The following LRRIQ1 variants were observed in gnomAD, a reference collection of about 807,000 sequenced individuals.
LRRIQ1 encodes the protein leucine rich repeats and IQ motif containing 1.
A neutral mutation model predicts 211.9 loss-of-function variants in LRRIQ1; 210 were observed. That is an observed-to-expected ratio of 0.99 (90% CI 0.89 to 1.11). The LOEUF (loss-of-function observed/expected upper bound fraction) is 1.11, where lower values mean the gene tolerates loss of function less well. LRRIQ1 is among the 50% of genes most tolerant of loss of function. The probability of loss-of-function intolerance (pLI) is 0.00; values close to 1 mark genes in which losing one functional copy is unlikely to be tolerated. For missense variants in LRRIQ1, 2,136 were observed against 1,939.5 expected (o/e 1.10, Z -1.90); for synonymous variants, 699 against 650.1 (o/e 1.08, Z -1.14).
At chr12:85,243,445 G>A (rs893378283) in intron 26 of LRRIQ1, among the ~76,000 whole-genome samples, 5 of 149,390 alleles carry the variant, frequency 3.3e-5, no homozygotes, top group African/African-American at 1.2e-4. Context: ...TTTCTACCGA[G>A]GTTTTTTGAC....
At position 85,244,914 on chromosome 12, in the gene LRRIQ1, GT is replaced by G. The variant is rs768933133; in HGVS notation, c.5144del (p.Leu1715CysfsTer7). The G allele has an allele frequency of 6.2e-7, 1 of 1,610,526 alleles. No homozygotes were observed. Among genetic ancestry groups the G allele is most frequent in the East Asian group, 2.2e-5 (1 of 44,764 alleles). On this transcript the variant is annotated frameshift_variant, in exon 27 of 27. Transcript: ENST00000393217. LOFTEE classifies it high-confidence loss of function. ...HRHSAGSSSK[L>X]WFPSKLI ...GACACTCAGCAGGATCTTCAAGTAA[GT>G]TGTGGTTTCCTTCAAAATTAATTTA...
intron 26 of LRRIQ1, among the ~76,000 whole-genome samples, chr12:85,236,006 G>A (rs1895156279): frequency 6.6e-6 from 1 of 152,118 alleles, no homozygotes; most frequent in Non-Finnish European, 1.5e-5. Context: ...AGCAAGGTCA[G>A]GAATAGATCT....
rs768023844 is a variant in LRRIQ1 at position 85,124,249 on chromosome 12, A to G, written c.3737A>G (p.Asn1246Ser). ...APTNSDSTLQNGVFYSCAREG... is the reference protein window; with the variant it reads ...APTNSDSTLQSGVFYSCAREG... ...ACAAACAGTGACAGCACTCTGCAAA[A>G]TGGAGTCTTCTACTCTTGTGCACGT... The change falls in exon 17 of 27, where the codon AAT becomes AGT. Residue 1246 changes from asparagine (N) to serine (S), a missense_variant. Physicochemically the swap from Asn to Ser is conservative, Grantham distance 46. Transcript: ENST00000393217. 6 of 1,614,024 alleles carry G rather than the reference A, an allele frequency of 3.7e-6. No individual in the cohort carries two copies. The Admixed American group carries it at 8.3e-5, about 22-fold the overall frequency.
chr12:85,195,939 C>A (rs900924514), intron 24 of LRRIQ1, among the ~76,000 whole-genome samples: 7 of 151,624 alleles, frequency 4.6e-5, no homozygotes, highest in Non-Finnish European at 1.0e-4. Flanking sequence ...ATCGTCTCAG[C>A]CCAAAATCTC....
At chr12:85,181,657 CTCAGAATTGCAACTTTT>C (rs1382715650) in intron 24 of LRRIQ1, among the ~76,000 whole-genome samples, 1 of 151,906 alleles carries the variant, frequency 6.6e-6, no homozygotes, top group Non-Finnish European at 1.5e-5. Context: ...GTGTCAGTTT[CTCAGAATTGCAACTTTT>C]GAATGACACA....
At chr12:85,205,411 A>G (rs1208217502) in intron 24 of LRRIQ1, among the ~76,000 whole-genome samples, 1 of 152,154 alleles carries the variant, frequency 6.6e-6, no homozygotes, top group African/African-American at 2.4e-5. Context: ...TTTCTTAAGA[A>G]TTCTGAATAT....
At chr12:85,177,656 C>G (rs1406717754) in intron 24 of LRRIQ1, among the ~76,000 whole-genome samples, 1 of 152,098 alleles carries the variant, frequency 6.6e-6, no homozygotes, top group Non-Finnish European at 1.5e-5. Flanking sequence ...CAATTTTAGT[C>G]TGTCCTTTTT....
intron 14 of LRRIQ1, among the ~76,000 whole-genome samples, chr12:85,105,743 G>A (rs989838885): frequency 3.3e-5 from 5 of 150,128 alleles, no homozygotes; most frequent in East Asian, 3.9e-4. Flanking sequence ...TTTTCCTGCC[G>A]GGCTTAGTTT....
At chr12:85,229,736 T>C in intron 25 of LRRIQ1, 87 bp downstream of exon 25, 1 of 1,370,968 alleles carries the variant, frequency 7.3e-7, no homozygotes, top group Non-Finnish European at 1.0e-6. Flanking sequence ...AAAACAAACA[T>C]GACTTTATTG....
chr12:85,129,963 G>A (rs1888638469), intron 18 of LRRIQ1, among the ~76,000 whole-genome samples: 1 of 152,096 alleles, frequency 6.6e-6, no homozygotes, highest in Admixed American at 6.6e-5. Flanking sequence ...TCACATTCCA[G>A]AATATGTGTT....
chr12:85,204,478 G>A (rs889379916), intron 24 of LRRIQ1, among the ~76,000 whole-genome samples: 4 of 152,222 alleles, frequency 2.6e-5, no homozygotes, highest in African/African-American at 9.6e-5. Context: ...CAGACACTCA[G>A]TGCCAGCCCA....
chr12:85,130,248 G>A (rs1465690393), intron 18 of LRRIQ1, among the ~76,000 whole-genome samples: 1 of 152,116 alleles, frequency 6.6e-6, no homozygotes, highest in Non-Finnish European at 1.5e-5. Flanking sequence ...TTTGTTACCT[G>A]ATAGAAGTGG....
In LRRIQ1 at chr12:85,073,112, A is replaced by AT. The variant is rs769306863; in HGVS notation, c.2887+20dup. The AT allele has an allele frequency of 7.0e-6, 11 of 1,564,104 alleles. No homozygotes were observed. Among genetic ancestry groups the AT allele is most frequent in the East Asian group, 2.3e-5 (1 of 43,364 alleles). ...TATACTGGAATTGTAAGTTGTGTTT[A>AT]TTTTTTATTTTGTTACTCTTTATGG... On this transcript the variant is annotated intron_variant, in intron 11 of 26. Transcript: ENST00000393217.
intron 8 of LRRIQ1, among the ~76,000 whole-genome samples, chr12:85,063,789 C>T (rs1170332256): frequency 1.3e-5 from 2 of 151,658 alleles, no homozygotes; most frequent in Non-Finnish European, 3.0e-5. Context: ...CGAGGATATG[C>T]AAAGTTTGTC....
At position 85,124,298 on chromosome 12, in the gene LRRIQ1, T is replaced by C. The variant is rs1269000641; in HGVS notation, c.3786T>C (p.Asp1262=). 3 of 1,613,966 alleles carry C rather than the reference T, an allele frequency of 1.9e-6. No homozygotes were observed. In the Admixed American group the frequency reaches 5.0e-5, roughly 27 times the overall value. Residue 1262 remains aspartate, a synonymous_variant, in exon 17 of 27, where the codon GAT becomes GAC. Transcript: ENST00000393217. ...CAREGEPDSP[D]IPEKWMDSVS... is the part of the protein sequence containing the mutation. ...GTGAAGGTGAGCCAGACTCACCAGA[T>C]ATTCCTGAGAAATGGATGGACTCTG...
intron 15 of LRRIQ1, 76 bp downstream of exon 15, chr12:85,106,691 T>G: frequency 1.1e-6 from 1 of 950,260 alleles, no homozygotes; most frequent in Non-Finnish European, 1.6e-6. Flanking sequence ...AATTGTCCTG[T>G]GAATAACAAT....
intron 24 of LRRIQ1, among the ~76,000 whole-genome samples, chr12:85,193,074 T>A (rs1189303567): frequency 2.0e-5 from 2 of 101,644 alleles, no homozygotes; most frequent in Non-Finnish European, 3.7e-5. Context: ...TATATTATAT[T>A]TTATTATATA....
chr12:85,224,548 G>C (rs747723621), intron 24 of LRRIQ1, among the ~76,000 whole-genome samples: 42 of 152,086 alleles, frequency 2.8e-4, no homozygotes, highest in Non-Finnish European at 4.0e-4. Context: ...GGAATACTAT[G>C]CAGCCATCAA....
rs550406569 is a variant in LRRIQ1 at position 85,201,971 on chromosome 12, G to C, written c.4823-27546G>C. Reference sequence around the variant, plus strand: ...CTAACACTGTCTTAGCTGTGTCCCAGATATTCTAGTATGTTGTATTTTTGT... The same window carrying C: ...CTAACACTGTCTTAGCTGTGTCCCACATATTCTAGTATGTTGTATTTTTGT... On this transcript the variant is annotated intron_variant, in intron 24 of 26. Transcript: ENST00000393217. Among the ~76,000 whole-genome samples, 7 of 152,170 alleles carry C rather than the reference G, an allele frequency of 4.6e-5. No individual in the cohort carries two copies. The East Asian group carries it at 1.2e-3, about 25-fold the overall frequency.
Sources: gnomAD v4.1 joint callset for allele counts (sites outside exome capture counted in the v4.1 genomes callset) on GRCh38, gnomAD v4.1.1 for gene constraint, MANE v1.5 for transcripts, NCBI Gene and HGNC (gene_info 2026-07-23, HGNC 2026-07-21) for gene names.